Variants in GPD1L observed in about 807,000 individuals in gnomAD.
The protein encoded by GPD1L is glycerol-3-phosphate dehydrogenase 1 like, also known as glycerol-3-phosphate dehydrogenase 1-like protein.
In GPD1L, 17 loss-of-function variants were observed where a neutral mutation model predicts 32.9. The observed-to-expected ratio is 0.52, with a 90% CI of 0.35 to 0.78. GPD1L has a LOEUF of 0.78. Ranked by LOEUF, GPD1L falls within the 30% of genes least tolerant of loss-of-function variation. The probability of loss-of-function intolerance (pLI) is 0.01; values close to 1 mark genes in which losing one functional copy is unlikely to be tolerated. For missense variants in GPD1L, 361 were observed against 447.8 expected, an observed-to-expected ratio of 0.81 and a Z score of 1.75; for synonymous variants, 187 against 165.9, an observed-to-expected ratio of 1.13 and a Z score of -0.98.
chr3:32,159,069 G>A lies in GPD1L; in HGVS notation c.812G>A (p.Arg271Gln), dbSNP rs1042900556. ...ADLITTCYGGRNRRVAEAFAR... is the reference protein window; with the variant it reads ...ADLITTCYGGQNRRVAEAFAR... Reference sequence around the variant, plus strand: ...CTGATCACCACCTGTTACGGAGGGCGGAACCGCAGGGTGGCCGAGGCCTTC... The same window carrying A: ...CTGATCACCACCTGTTACGGAGGGCAGAACCGCAGGGTGGCCGAGGCCTTC... Residue 271 changes from arginine to glutamine, a missense_variant, in exon 6 of 8, where the codon CGG becomes CAG. By Grantham distance (43) the Arg-to-Gln change is conservative. Coordinates refer to ENST00000282541, the MANE Select transcript of GPD1L (RefSeq NM_015141.4). 1.4e-5 allele frequency: 22 copies of A among 1,613,634 alleles called. No homozygotes were observed. Among genetic ancestry groups the A allele is most frequent in the African/African-American group, 2.7e-5 (2 of 74,918 alleles).
chr3:32,151,013 C>T (rs1700911998), intron 5 of GPD1L: 1 of 249,772 alleles, frequency 4.0e-6, no homozygotes, highest in Admixed American at 5.1e-5. Context: ...AGTGATCCGC[C>T]TGCCTCAGCT....
intron 5 of GPD1L, among the ~76,000 whole-genome samples, chr3:32,157,966 C>A (rs1701017920): frequency 6.6e-6 from 1 of 152,130 alleles, no homozygotes; most frequent in Non-Finnish European, 1.5e-5. Context: ...TTAAATGAAG[C>A]AAAAGGCTGG....
intron 2 of GPD1L, among the ~76,000 whole-genome samples, chr3:32,137,152 C>T (rs945491807): frequency 6.6e-6 from 1 of 152,184 alleles, no homozygotes; most frequent in African/African-American, 2.4e-5. Context: ...GTGACAGACA[C>T]GATTTCCTCA....
At chr3:32,127,016 T>C (rs1015330925) in intron 1 of GPD1L, among the ~76,000 whole-genome samples, 18 of 152,204 alleles carry the variant, frequency 1.2e-4, no homozygotes, top group African/African-American at 4.3e-4. Context: ...TGTTAAAGCA[T>C]ACAGGTTTAT....
At chr3:32,158,642 C>T (rs1485828183) in intron 5 of GPD1L, 6 of 831,948 alleles carry the variant, frequency 7.2e-6, no homozygotes, top group South Asian at 1.8e-5. Context: ...TGCTCTTCAA[C>T]TGCTGACCCC....
intron 3 of GPD1L, among the ~76,000 whole-genome samples, chr3:32,139,415 C>A (rs950690129): frequency 6.6e-6 from 1 of 152,136 alleles, no homozygotes; most frequent in East Asian, 1.9e-4. Context: ...TTTCTAATTG[C>A]ATTAATAAAA....
chr3:32,124,544 A>C (rs1700476557), intron 1 of GPD1L, among the ~76,000 whole-genome samples: 2 of 152,250 alleles, frequency 1.3e-5, no homozygotes, highest in South Asian at 4.1e-4. Context: ...TTCCAGAGGC[A>C]CAAAGGAATT....
intron 7 of GPD1L, 43 bp downstream of exon 7, chr3:32,159,717 A>G (rs899133652): frequency 1.7e-6 from 2 of 1,174,846 alleles, no homozygotes; most frequent in African/African-American, 3.0e-5. Flanking sequence ...AATGTCCATC[A>G]TTCCTATTCT....
At chr3:32,140,674 G>A (rs1700731025) in intron 4 of GPD1L, among the ~76,000 whole-genome samples, 1 of 150,510 alleles carries the variant, frequency 6.6e-6, no homozygotes, top group Non-Finnish European at 1.5e-5. Flanking sequence ...GAAACAGGTG[G>A]CTACATCCAT....
chr3:32,140,503 C>T (rs563046950), intron 4 of GPD1L, 137 bp downstream of exon 4: 50 of 1,003,782 alleles, frequency 5.0e-5, no homozygotes, highest in African/African-American at 6.4e-5. Context: ...TTCAGTGGGG[C>T]GAGGGTTTTA....
chr3:32,143,206 A>T (rs1700773719), intron 4 of GPD1L, among the ~76,000 whole-genome samples: 1 of 152,118 alleles, frequency 6.6e-6, no homozygotes. Context: ...TTAAAAAAAA[A>T]AAATTTAAGT....
intron 1 of GPD1L, among the ~76,000 whole-genome samples, chr3:32,107,250 C>T (rs1388099193): frequency 2.0e-5 from 3 of 152,134 alleles, no homozygotes; most frequent in African/African-American, 7.2e-5. Context: ...TCAAGGTGCC[C>T]GTCTCGCCCC....
intron 1 of GPD1L, among the ~76,000 whole-genome samples, chr3:32,123,286 G>A (rs1279768547): frequency 6.6e-6 from 1 of 152,162 alleles, no homozygotes. Context: ...CCAGTAGAAT[G>A]AAAACAAGAC....
chr3:32,115,619 G>A (rs1700320292), intron 1 of GPD1L, among the ~76,000 whole-genome samples: 1 of 152,134 alleles, frequency 6.6e-6, no homozygotes, highest in African/African-American at 2.4e-5. Context: ...CCTGGAGGAG[G>A]AGGAGAACTC....
intron 5 of GPD1L, 200 bp from the exon 6 acceptor site, chr3:32,158,676 A>G (rs1318739990): frequency 1.6e-6 from 2 of 1,214,698 alleles, no homozygotes; most frequent in Non-Finnish European, 2.2e-6. Context: ...TTGTCCTAGA[A>G]AGGGGAATAT....
rs1189682900 is a variant in GPD1L at position 32,140,239 on chromosome 3, G to A, written c.378G>A (p.Glu126=). Residue 126 remains glutamate, a synonymous_variant, in exon 4 of 8, where the codon GAG becomes GAA. Transcript: ENST00000282541. ...TGGCATCCTTGTAGGGCATAGACGA[G>A]GGCCCCGAGGGGCTGAAGCTCATTT... The part of the protein sequence containing the change: ...LGITLIKGID[E]GPEGLKLISD... 1.5e-5 allele frequency: 25 copies of A among 1,613,930 alleles called. No homozygotes were observed. Among genetic ancestry groups the A allele is most frequent in the Non-Finnish European group, 2.1e-5 (25 of 1,179,982 alleles).
intron 5 of GPD1L, chr3:32,151,288 C>T: frequency 4.9e-6 from 3 of 611,090 alleles, no homozygotes; most frequent in Non-Finnish European, 9.1e-6. Flanking sequence ...GCTCCATACA[C>T]CCATTAATTC....
At chr3:32,160,502 G>A (rs996819344) in intron 7 of GPD1L, among the ~76,000 whole-genome samples, 3 of 73,986 alleles carry the variant, frequency 4.1e-5, no homozygotes, top group Non-Finnish European at 7.2e-5. Context: ...ATGGATGGGC[G>A]CATGGGTAGA....
At chr3:32,134,077 C>T (rs529694083) in intron 2 of GPD1L, among the ~76,000 whole-genome samples, 3 of 152,176 alleles carry the variant, frequency 2.0e-5, no homozygotes, top group East Asian at 1.9e-4. Flanking sequence ...GAATCTGGAA[C>T]GATGGACACC....
Sources: allele counts gnomAD v4.1 joint callset (sites outside exome capture counted in the v4.1 genomes callset), GRCh38; gene constraint gnomAD v4.1.1; transcripts MANE v1.5; gene names NCBI Gene and HGNC (gene_info 2026-07-23, HGNC 2026-07-21).